The following KCTD16 variants were observed in gnomAD, a reference collection of about 807,000 sequenced individuals.
KCTD16 encodes the protein potassium channel tetramerization domain containing 16.
A neutral mutation model predicts 33.2 loss-of-function variants in KCTD16; 13 were observed. The observed-to-expected ratio is 0.39, with a 90% CI of 0.25 to 0.62. KCTD16 has a LOEUF of 0.62. Ranked by LOEUF, KCTD16 falls within the 20% of genes least tolerant of loss-of-function variation. KCTD16 has a pLI of 0.50. For synonymous variants in KCTD16, 197 were observed against 195.3 expected (o/e 1.01, Z -0.07); for missense variants, 441 against 525.1 (o/e 0.84, Z 1.57).
intron 3 of KCTD16, among the ~76,000 whole-genome samples, chr5:144,325,249 T>G (rs1452844036): frequency 1.3e-5 from 2 of 152,130 alleles, no homozygotes; most frequent in Non-Finnish European, 2.9e-5. Context: ...GCCACTACAA[T>G]AGTTCAAGCT....
intron 3 of KCTD16, among the ~76,000 whole-genome samples, chr5:144,398,541 A>G (rs566577999): frequency 9.4e-4 from 143 of 152,352 alleles, no homozygotes; most frequent in Admixed American, 2.7e-3. Context: ...AAGTCCCTCC[A>G]GCATGAGCTC....
At chr5:144,330,413 A>G (rs910780736) in intron 3 of KCTD16, among the ~76,000 whole-genome samples, 12 of 59,118 alleles carry the variant, frequency 2.0e-4, no homozygotes, top group Non-Finnish European at 4.6e-4. Flanking sequence ...AACTCCATCA[A>G]AAAAAAAAAA....
chr5:144,175,276 T>C (rs926389215), intron 2 of KCTD16, among the ~76,000 whole-genome samples: 1 of 152,210 alleles, frequency 6.6e-6, no homozygotes, highest in East Asian at 1.9e-4. Context: ...TTAAACATTA[T>C]TATGGTAGAA....
intron 3 of KCTD16, among the ~76,000 whole-genome samples, chr5:144,218,468 T>C (rs575710295): frequency 1.3e-5 from 2 of 152,180 alleles, no homozygotes; most frequent in Non-Finnish European, 2.9e-5. Context: ...ATCCTTTTAT[T>C]TCTGATTTAA....
At position 144,377,889 on chromosome 5, in the gene KCTD16, A is replaced by G. The variant is rs1318632432; in HGVS notation, c.833-95771A>G. On this transcript the variant is annotated intron_variant, in intron 3 of 3. Coordinates refer to ENST00000512467, the MANE Select transcript of KCTD16 (RefSeq NM_020768.4). ...AATTAGGTAGGTAATTATCTGTTGC[A>G]TCTCTTTTTCAATCTTATATACTTT... 3 of 152,158 alleles carry G rather than the reference A, an allele frequency of 2.0e-5. No homozygotes were observed. The East Asian group carries it at 5.8e-4, about 29-fold the overall frequency. 9.4% of individuals were successfully genotyped at this position (152,158 alleles called of 1,614,324 possible).
chr5:144,322,881 C>G (rs935518889), intron 3 of KCTD16, among the ~76,000 whole-genome samples: 1 of 152,060 alleles, frequency 6.6e-6, no homozygotes, highest in African/African-American at 2.4e-5. Flanking sequence ...CCATAGAATG[C>G]ATATTCCAAA....
chr5:144,361,367 A>G (rs146472339), intron 3 of KCTD16, among the ~76,000 whole-genome samples: 16 of 152,250 alleles, frequency 1.1e-4, no homozygotes, highest in Admixed American at 3.9e-4. Context: ...TTGTGGAAAT[A>G]TTTAACCTCT....
intron 3 of KCTD16, among the ~76,000 whole-genome samples, chr5:144,260,771 A>G (rs970859670): frequency 2.0e-5 from 3 of 152,120 alleles, no homozygotes; most frequent in African/African-American, 7.2e-5. Context: ...GTTTTTTTAA[A>G]GCTTGGCTTT....
chr5:144,471,778 G>A (rs1450909377), intron 3 of KCTD16, among the ~76,000 whole-genome samples: 1 of 152,174 alleles, frequency 6.6e-6, no homozygotes, highest in Non-Finnish European at 1.5e-5. Flanking sequence ...CAGCTGTTGT[G>A]ATTCCTTTTT....
intron 3 of KCTD16, among the ~76,000 whole-genome samples, chr5:144,412,234 C>T (rs959826852): frequency 3.9e-5 from 6 of 152,142 alleles, no homozygotes; most frequent in Non-Finnish European, 8.8e-5. Flanking sequence ...ATGTTTATTG[C>T]AGCACTACTC....
At chr5:144,330,963 G>C (rs926921382) in intron 3 of KCTD16, among the ~76,000 whole-genome samples, 3 of 152,240 alleles carry the variant, frequency 2.0e-5, no homozygotes, top group Non-Finnish European at 4.4e-5. Flanking sequence ...ATGAAGTGCT[G>C]TAGGAATGTA....
chr5:144,200,271 G>T (rs1291232454), intron 2 of KCTD16, among the ~76,000 whole-genome samples: 1 of 151,850 alleles, frequency 6.6e-6, no homozygotes, highest in Non-Finnish European at 1.5e-5. Flanking sequence ...GCTTTCATTT[G>T]TATTTTATGA....
At chr5:144,265,401 A>C (rs1479784016) in intron 3 of KCTD16, among the ~76,000 whole-genome samples, 7 of 152,208 alleles carry the variant, frequency 4.6e-5, no homozygotes, top group African/African-American at 1.7e-4. Context: ...GAGAATGACT[A>C]TACCGTCAAT....
intron 3 of KCTD16, among the ~76,000 whole-genome samples, chr5:144,292,820 T>A (rs1755930159): frequency 6.6e-6 from 1 of 152,118 alleles, no homozygotes; most frequent in Admixed American, 6.5e-5. Context: ...CTTTGCCTGG[T>A]ATTTACCCTC....
chr5:144,409,182 GTT>G (rs1279091522), intron 3 of KCTD16, among the ~76,000 whole-genome samples: 1 of 152,156 alleles, frequency 6.6e-6, no homozygotes, highest in African/African-American at 2.4e-5. Flanking sequence ...AACAGAGTTA[GTT>G]CCTAGAACTG....
chr5:144,420,085 A>G (rs1753174921), intron 3 of KCTD16, among the ~76,000 whole-genome samples: 1 of 152,186 alleles, frequency 6.6e-6, no homozygotes, highest in South Asian at 2.1e-4. Flanking sequence ...AATGCTGGTG[A>G]TACAGCAGAA....
At chr5:144,266,158 TAAA>T (rs887315513) in intron 3 of KCTD16, among the ~76,000 whole-genome samples, 1 of 152,182 alleles carries the variant, frequency 6.6e-6, no homozygotes, top group African/African-American at 2.4e-5. Flanking sequence ...AGGCTATGGT[TAAA>T]AAACAACAAA....
intron 3 of KCTD16, among the ~76,000 whole-genome samples, chr5:144,348,734 C>T (rs1413975507): frequency 5.3e-5 from 8 of 152,146 alleles, no homozygotes; most frequent in African/African-American, 1.9e-4. Flanking sequence ...AAAATATTAT[C>T]CTGGAGGATT....
At chr5:144,367,694 T>A (rs1189473476) in intron 3 of KCTD16, among the ~76,000 whole-genome samples, 3 of 151,776 alleles carry the variant, frequency 2.0e-5, no homozygotes, top group East Asian at 1.9e-4. Flanking sequence ...TCATTTATTT[T>A]TTTTTTCTTT....
Sources: gnomAD v4.1 joint callset for allele counts (sites outside exome capture counted in the v4.1 genomes callset) on GRCh38, gnomAD v4.1.1 for gene constraint, MANE v1.5 for transcripts, NCBI Gene and HGNC (gene_info 2026-07-23, HGNC 2026-07-21) for gene names.